Variants in RNF212 observed in about 807,000 individuals in gnomAD.
RNF212 encodes probable E3 SUMO-protein ligase RNF212.
A neutral mutation model predicts 34.7 loss-of-function variants in RNF212; 33 were observed. That is an observed-to-expected ratio of 0.95 (90% CI 0.72 to 1.27). RNF212 has a LOEUF of 1.27. RNF212 is among the 50% of genes most tolerant of loss of function. The pLI is 0.00. For missense variants in RNF212, 377 were observed against 362.2 expected (o/e 1.04, Z -0.33); for synonymous variants, 140 against 136.1 (o/e 1.03, Z -0.20).
chr4:1,079,697 C>G lies in RNF212; in HGVS notation c.465-9G>C, dbSNP rs1279016463. On this transcript the variant is annotated splice_polypyrimidine_tract_variant and intron_variant, in intron 7 of 9. Coordinates refer to ENST00000433731, the MANE Select transcript of RNF212 (RefSeq NM_001131034.4). ...CTTCCATCGACTCCAGTCTGTTAAA[C>G]ACATAGTGAAAGGCTTTGAGTGAGC... 6.2e-7 allele frequency: 1 copy of G among 1,607,526 alleles called. No homozygotes were observed. The highest frequency in any genetic ancestry group is 1.1e-5 in the South Asian group (1 of 90,958).
chr4:1,064,114 G>T (rs568254233), intron 3 of RNF212, among the ~76,000 whole-genome samples: 2 of 152,094 alleles, frequency 1.3e-5, no homozygotes, highest in African/African-American at 4.8e-5. Flanking sequence ...TGGAATAAAA[G>T]ATTTTTTTCC....
rs116787348 is a variant in RNF212 at position 1,092,010 on chromosome 4, C to T, written c.247-1172G>A. On this transcript the variant is annotated intron_variant, in intron 3 of 9. Coordinates refer to ENST00000433731, the MANE Select transcript of RNF212 (RefSeq NM_001131034.4). ...AGGGCACCTTTCCCACCTTTGCCGA[C>T]GCTTCTCAAGTCCTGCTGCCTGTCG... Among the ~76,000 whole-genome samples, 687 of 152,352 alleles carry T rather than the reference C, an allele frequency of 4.5e-3. 7 individuals carry two copies. Among genetic ancestry groups the T allele is most frequent in the African/African-American group, 0.015 (641 of 41,566 alleles).
chr4:1,106,362 T>TA (rs572409285), intron 2 of RNF212, among the ~76,000 whole-genome samples: 43 of 151,812 alleles, frequency 2.8e-4, no homozygotes, highest in Non-Finnish European at 5.7e-4. Context: ...TACTGTGTAT[T>TA]AAACCACAGT....
Position 1,072,725 on chromosome 4 carries a change from T to A in RNF212, c.*149A>T. The A allele has an allele frequency of 7.1e-7, 1 of 1,414,650 alleles. No homozygotes were observed. The highest frequency in any genetic ancestry group is 9.2e-7 in the Non-Finnish European group (1 of 1,087,006). The allele number at this position is 1,414,650 out of a possible 1,614,324, so 87.6% of individuals were successfully genotyped here. A position where few individuals can be genotyped will look rare whatever the true frequency, so the allele number is the denominator to read the frequency against. On this transcript the variant is annotated 3_prime_UTR_variant, in exon 10 of 10. Transcript: ENST00000433731. The stretch of plus-strand genomic sequence containing the variant: ...TAAAATTCAAAGGTCAAATATAAAA[T>A]TACAAAGCAAATTGGGTAAAAGGTT...
At chr4:1,087,543 G>A (rs1438626699) in intron 4 of RNF212, among the ~76,000 whole-genome samples, 1 of 146,816 alleles carries the variant, frequency 6.8e-6, no homozygotes, top group Non-Finnish European at 1.5e-5. Context: ...ACAGGACAGG[G>A]GAGAGGCTGA....
intron 8 of RNF212, among the ~76,000 whole-genome samples, chr4:1,077,348 A>G (rs918613755): frequency 6.6e-6 from 1 of 152,178 alleles, no homozygotes; most frequent in African/African-American, 2.4e-5. Context: ...ATAATTTCCA[A>G]CAGTAGCACC....
intron 4 of RNF212, among the ~76,000 whole-genome samples, chr4:1,086,411 G>A (rs1385826942): frequency 2.0e-5 from 3 of 151,524 alleles, no homozygotes; most frequent in Non-Finnish European, 4.4e-5. Flanking sequence ...CTGTAATCAT[G>A]GCTTATGCCC....
intron 5 of RNF212, among the ~76,000 whole-genome samples, chr4:1,083,440 C>T (rs1260377395): frequency 6.6e-6 from 1 of 152,004 alleles, no homozygotes; most frequent in Non-Finnish European, 1.5e-5. Flanking sequence ...GTCAGGAGTT[C>T]GAAACCAGCC....
rs1372219711 is a variant in RNF212, at chr4:1,075,898, AG to A, written c.511-2237del. The stretch of plus-strand genomic sequence containing the variant: ...GGCTGGTCTCAAACTCTTGGGCTCA[AG>A]GGATCTGCCTGACTCAGCTCCCAAA... On this transcript the variant is annotated intron_variant, in intron 8 of 9. Coordinates refer to ENST00000433731, the MANE Select transcript of RNF212 (RefSeq NM_001131034.4). Among the ~76,000 whole-genome samples the A allele has an allele frequency of 3.3e-5, 5 of 152,214 alleles. No homozygotes were observed. In the East Asian group the frequency reaches 5.8e-4, roughly 18 times the overall value.
rs35166968 is a variant in RNF212 at position 1,106,249 on chromosome 4, TACACACACACAC to T, written c.171+2082_171+2093del. 2.4e-3 allele frequency among the ~76,000 whole-genome samples: 345 copies of T among 146,056 alleles called. 1 individual carries two copies. Among genetic ancestry groups the T allele is most frequent in the African/African-American group, 7.9e-3 (311 of 39,538 alleles). On this transcript the variant is annotated intron_variant, in intron 2 of 9. Coordinates refer to ENST00000433731, the MANE Select transcript of RNF212 (RefSeq NM_001131034.4). Reference sequence around the variant, plus strand: ...CTTCTACATGTTAAACAATTTTACTTACACACACACACACACACACACACACACACACACACA... The same window carrying T: ...CTTCTACATGTTAAACAATTTTACTTACACACACACACACACACACACACA...
chr4:1,068,542 C>T (rs1718239662), downstream of RNF212, among the ~76,000 whole-genome samples: 1 of 152,236 alleles, frequency 6.6e-6, no homozygotes, highest in South Asian at 2.1e-4. Flanking sequence ...TTTGTTATAA[C>T]TCCAACAATA....
intron 3 of RNF212, chr4:1,093,565 TGAGAGGCAC>T (rs1236347273): frequency 3.6e-6 from 3 of 839,544 alleles, no homozygotes; most frequent in Non-Finnish European, 4.9e-6. Context: ...GCCGGAAGCC[TGAGAGGCAC>T]GAGAGGCAGA....
chr4:1,088,398 C>T (rs583100), intron 4 of RNF212, among the ~76,000 whole-genome samples: 27,936 of 152,152 alleles, frequency 0.18, 4,152 homozygotes, highest in African/African-American at 0.42. Flanking sequence ...GCAAAGCGTT[C>T]AAGATGTGAC....
At chr4:1,056,608 G>T in intron 4 of RNF212, 1 of 507,622 alleles carries the variant, frequency 2.0e-6, no homozygotes, top group Non-Finnish European at 2.5e-6. Flanking sequence ...TGTCATCTTA[G>T]TATTTTCAGA....
chr4:1,089,845 C>T (rs974243485), intron 4 of RNF212, among the ~76,000 whole-genome samples: 6 of 152,232 alleles, frequency 3.9e-5, no homozygotes, highest in African/African-American at 1.4e-4. Flanking sequence ...CCTTTGCCTT[C>T]TGCCGTGACT....
chr4:1,070,954 C>T (rs1718437137), downstream of RNF212, among the ~76,000 whole-genome samples: 1 of 150,248 alleles, frequency 6.7e-6, no homozygotes, highest in East Asian at 2.0e-4. Flanking sequence ...TTTTAAAAAA[C>T]TAATTTGTTT....
intron 4 of RNF212, among the ~76,000 whole-genome samples, chr4:1,087,481 G>A (rs1352333238): frequency 8.0e-6 from 1 of 124,314 alleles, no homozygotes; most frequent in Non-Finnish European, 1.7e-5. Context: ...ACAGGATGGG[G>A]TGAGGGTGAG....
Position 1,111,362 on chromosome 4 carries a change from C to G in RNF212, c.109+1994G>C, listed in dbSNP as rs565328968. 2.7e-3 allele frequency among the ~76,000 whole-genome samples: 417 copies of G among 152,280 alleles called. 2 individuals carry two copies. The highest frequency in any genetic ancestry group is 4.8e-3 in the Admixed American group (73 of 15,302). ...GTTCCTGGCTGTCTTGAGTTCCAGACCCACATGTGCAACTGCCTCTTGTCT... is the reference window on the plus strand; with the variant it reads ...GTTCCTGGCTGTCTTGAGTTCCAGAGCCACATGTGCAACTGCCTCTTGTCT... On this transcript the variant is annotated intron_variant, in intron 1 of 9. Transcript: ENST00000433731.
chr4:1,082,756 C>T (rs2153044192), intron 5 of RNF212, among the ~76,000 whole-genome samples: 1 of 152,304 alleles, frequency 6.6e-6, no homozygotes. Context: ...AATTGCCAGC[C>T]CCCAGAACAG....
Sources: gnomAD v4.1 joint callset for allele counts (sites outside exome capture counted in the v4.1 genomes callset) on GRCh38, gnomAD v4.1.1 for gene constraint, MANE v1.5 for transcripts, NCBI Gene and HGNC (gene_info 2026-07-23, HGNC 2026-07-21) for gene names.